Variants in ABCC5 observed in about 807,000 individuals in gnomAD.
The protein encoded by ABCC5 is ATP binding cassette subfamily C member 5.
Under a neutral mutation model 160.9 loss-of-function variants are expected in ABCC5, and 61 were observed. The ratio of observed to expected loss-of-function variants is 0.38; its 90% CI spans 0.31 to 0.47. ABCC5 has a LOEUF of 0.47. Among genes scored for constraint, ABCC5 ranks in the 20% least tolerant of loss-of-function variants. The pLI, the probability that ABCC5 is intolerant of heterozygous loss-of-function variation, is 0.99. For synonymous variants in ABCC5, 666 were observed against 700.6 expected, an observed-to-expected ratio of 0.95 and a Z score of 0.78; for missense variants, 1,308 against 1,813.3, an observed-to-expected ratio of 0.72 and a Z score of 5.06.
intron 8 of ABCC5, among the ~76,000 whole-genome samples, chr3:183,981,135 GTGTT>G (rs1195545976): frequency 6.6e-6 from 1 of 152,184 alleles, no homozygotes; most frequent in Non-Finnish European, 1.5e-5. Context: ...AAGTATCTAT[GTGTT>G]TGTTTTTAAT....
chr3:183,977,733 C>A, intron 9 of ABCC5, 109 bp from the exon 10 acceptor site: 1 of 702,692 alleles, frequency 1.4e-6, no homozygotes, highest in South Asian at 1.9e-5. Context: ...ACTTCACGGT[C>A]AGCTGTTATT....
At chr3:183,945,437 C>G (rs988565055) in intron 24 of ABCC5, among the ~76,000 whole-genome samples, 1 of 152,160 alleles carries the variant, frequency 6.6e-6, no homozygotes, top group Non-Finnish European at 1.5e-5. Context: ...CAATCCACTG[C>G]AACAGAATCC....
At chr3:183,972,184 C>G in intron 10 of ABCC5, 2 of 636,168 alleles carry the variant, frequency 3.1e-6, no homozygotes, top group South Asian at 3.2e-5. Context: ...GCCTTTCCCC[C>G]TCAGCCAGCC....
In ABCC5 at chr3:183,933,430, G is replaced by A. The variant is rs545631201; in HGVS notation, c.3854+4471C>T. Among the ~76,000 whole-genome samples, 8 of 152,264 alleles carry A rather than the reference G, an allele frequency of 5.3e-5. No individual in the cohort carries two copies. In the South Asian group the frequency reaches 1.7e-3, roughly 32 times the overall value. On this transcript the variant is annotated intron_variant, in intron 26 of 29. Transcript: ENST00000334444. ...CTCCAGCTGCGGGGGATAGGACAGA[G>A]GCCAGGGCTGGGTTTCCTGGGTCCA...
At chr3:183,945,647 C>T (rs753387711) in intron 24 of ABCC5, among the ~76,000 whole-genome samples, 4 of 152,182 alleles carry the variant, frequency 2.6e-5, no homozygotes, top group Non-Finnish European at 5.9e-5. Context: ...GTTCTCAGCT[C>T]GACATAATTT....
chr3:183,923,123 T>C (rs975759674), intron 29 of ABCC5, among the ~76,000 whole-genome samples: 1 of 151,960 alleles, frequency 6.6e-6, no homozygotes, highest in African/African-American at 2.4e-5. Flanking sequence ...AAATGGCTTA[T>C]CATCCTGTTT....
intron 2 of ABCC5, chr3:184,000,649 A>G (rs534793122): frequency 2.4e-4 from 36 of 152,346 alleles, no homozygotes; most frequent in African/African-American, 8.2e-4. Context: ...AAATATAGAC[A>G]AACATACACG....
At chr3:183,953,419 A>G (rs1715568363) in intron 17 of ABCC5, 149 bp from the exon 18 acceptor site, 1 of 684,512 alleles carries the variant, frequency 1.5e-6, no homozygotes, top group Non-Finnish European at 2.3e-6. Context: ...TCATTCATCT[A>G]TTTAACATTT....
intron 1 of ABCC5, among the ~76,000 whole-genome samples, chr3:184,014,988 G>T (rs1217925729): frequency 1.3e-5 from 2 of 151,960 alleles, no homozygotes; most frequent in Admixed American, 6.6e-5. Context: ...AAGTTATCCA[G>T]TTAAAACAAT....
chr3:183,957,947 T>C (rs1174779417), intron 17 of ABCC5, among the ~76,000 whole-genome samples: 5 of 151,316 alleles, frequency 3.3e-5, no homozygotes, highest in African/African-American at 1.2e-4. Flanking sequence ...CGGATCCGTG[T>C]GTACATCACA....
chr3:183,933,930 A>G (rs1019475643), intron 26 of ABCC5, among the ~76,000 whole-genome samples: 20 of 152,198 alleles, frequency 1.3e-4, no homozygotes, highest in African/African-American at 2.2e-4. Context: ...CAGAGTCTCT[A>G]GGAGGCAGCT....
At position 184,017,865 on chromosome 3, in the gene ABCC5, T is replaced by C. The variant is rs1722322715; in HGVS notation, c.-91A>G. ...GCTCCAGGACAACCGCGCCAGCCGC[T>C]CAACCACGCTCCCGAGCATGAGCCC... On this transcript the variant is annotated 5_prime_UTR_variant, in exon 1 of 30. Transcript: ENST00000334444. The surrounding 1 kb of genome is among the most constrained non-coding windows in gnomAD (Gnocchi z 4.5). The C allele has an allele frequency of 6.5e-6, 1 of 152,686 alleles. No individual in the cohort carries two copies. The allele number at this position is 152,686 out of a possible 1,614,324, so 9.5% of individuals were successfully genotyped here.
At chr3:183,940,567 G>C (rs142059775) in intron 25 of ABCC5, among the ~76,000 whole-genome samples, 1 of 151,748 alleles carries the variant, frequency 6.6e-6, no homozygotes, top group South Asian at 2.1e-4. Context: ...ATTCCCTCTG[G>C]GCCGAGGCAG....
intron 28 of ABCC5, among the ~76,000 whole-genome samples, chr3:183,926,904 G>T (rs188438325): frequency 6.6e-6 from 1 of 151,906 alleles, no homozygotes; most frequent in East Asian, 2.0e-4. Flanking sequence ...AATTAGCTGG[G>T]CATGGTGGCG....
At position 184,002,312 on chromosome 3, in the gene ABCC5, T is replaced by C. The variant is rs138075654; in HGVS notation, c.129+11952A>G. Among the ~76,000 whole-genome samples the C allele has an allele frequency of 3.8e-3, 579 of 151,756 alleles. 6 individuals are homozygous for C. Among genetic ancestry groups the C allele is most frequent in the African/African-American group, 0.013 (534 of 41,346 alleles). On this transcript the variant is annotated intron_variant, in intron 2 of 29. Transcript: ENST00000334444. ...TACTCAGGAGGCTGAGGCAGGAGAA[T>C]TGCTTGAACCAAGGAGGCAGAGGGT...
intron 25 of ABCC5, among the ~76,000 whole-genome samples, chr3:183,941,920 G>A (rs1172359837): frequency 6.6e-6 from 1 of 151,846 alleles, no homozygotes; most frequent in Non-Finnish European, 1.5e-5. Flanking sequence ...GTTACAGTGA[G>A]CTGAGATCGT....
At chr3:183,997,597 C>T (rs1231331733) in intron 2 of ABCC5, among the ~76,000 whole-genome samples, 2 of 152,164 alleles carry the variant, frequency 1.3e-5, no homozygotes, top group Non-Finnish European at 2.9e-5. Flanking sequence ...CTGTCTTCCT[C>T]TTGTTTATAT....
intron 10 of ABCC5, among the ~76,000 whole-genome samples, chr3:183,973,835 C>T (rs988182397): frequency 2.0e-5 from 3 of 152,130 alleles, no homozygotes; most frequent in Admixed American, 6.5e-5. Flanking sequence ...AACCACATGC[C>T]GACAGAATTT....
At chr3:184,001,649 A>C (rs1560050443) in intron 2 of ABCC5, among the ~76,000 whole-genome samples, 1 of 152,204 alleles carries the variant, frequency 6.6e-6, no homozygotes, top group African/African-American at 2.4e-5. Flanking sequence ...ACAACAAAGA[A>C]TTATGTGGCC....
Sources: gnomAD v4.1 joint callset for allele counts (sites outside exome capture counted in the v4.1 genomes callset) on GRCh38, gnomAD v4.1.1 for gene constraint, Gnocchi (gnomAD v3.1) non-coding constraint, MANE v1.5 for transcripts, NCBI Gene and HGNC (gene_info 2026-07-23, HGNC 2026-07-21) for gene names.